The following HORMAD2 variants were observed in gnomAD, a reference collection of about 807,000 sequenced individuals.
The protein encoded by HORMAD2 is HORMA domain-containing protein 2.
Under a neutral mutation model 38.8 loss-of-function variants are expected in HORMAD2, and 45 were observed. That is an observed-to-expected ratio of 1.16 (90% CI 0.91 to 1.49). The LOEUF (loss-of-function observed/expected upper bound fraction) is 1.49, where lower values mean the gene tolerates loss of function less well. Ranked by LOEUF, HORMAD2 falls within the 40% of genes most tolerant of loss-of-function variation. The pLI, the probability that HORMAD2 is intolerant of heterozygous loss-of-function variation, is 0.00. For missense variants in HORMAD2, 338 were observed against 367.0 expected (o/e 0.92, Z 0.65); for synonymous variants, 126 against 122.8 (o/e 1.03, Z -0.17).
intron 10 of HORMAD2, among the ~76,000 whole-genome samples, chr22:30,150,796 T>C (rs1297340974): frequency 1.3e-5 from 2 of 152,220 alleles, no homozygotes; most frequent in Admixed American, 1.3e-4. Flanking sequence ...GCATTCAGTA[T>C]ACATGCTTTC....
chr22:30,162,359 GT>G (rs1925499721), intron 10 of HORMAD2, among the ~76,000 whole-genome samples: 1 of 150,990 alleles, frequency 6.6e-6, no homozygotes, highest in Non-Finnish European at 1.5e-5. Context: ...ACGATATGTT[GT>G]TTAATACAGC....
rs1381146579 is a variant in HORMAD2 at position 30,099,045 on chromosome 22, T to G, written c.193+52T>G. On this transcript the variant is annotated intron_variant, in intron 3 of 10. Transcript: ENST00000336726. ...GGCTGTTGTAGCCCCTTTCTCTATTTAGCAGGAATAAACCTTTCACGTCTC... is the reference window on the plus strand; with the variant it reads ...GGCTGTTGTAGCCCCTTTCTCTATTGAGCAGGAATAAACCTTTCACGTCTC... 4 of 1,507,666 alleles carry G rather than the reference T, an allele frequency of 2.7e-6. No individual in the cohort carries two copies. In the African/African-American group the frequency reaches 4.2e-5, roughly 16 times the overall value. The allele number at this position is 1,507,666 out of a possible 1,614,324, so 93.4% of individuals were successfully genotyped here.
chr22:30,164,274 T>C (rs1925638964), intron 10 of HORMAD2, among the ~76,000 whole-genome samples: 1 of 152,210 alleles, frequency 6.6e-6, no homozygotes. Context: ...GTACAAATAT[T>C]TGTTCAAGTT....
At chr22:30,195,063 C>T in the HORMAD2 span, among the ~76,000 whole-genome samples, 2 of 151,978 alleles carry the variant, frequency 1.3e-5, no homozygotes, top group East Asian at 3.9e-4. Flanking sequence ...CATGGTGGCA[C>T]GTGCCTGTAG....
At chr22:30,154,533 A>G (rs528481031) in intron 10 of HORMAD2, among the ~76,000 whole-genome samples, 3 of 152,294 alleles carry the variant, frequency 2.0e-5, no homozygotes, top group East Asian at 1.9e-4. Flanking sequence ...ATTCCTTTCA[A>G]GTTTTTCCAG....
intron 10 of HORMAD2, among the ~76,000 whole-genome samples, chr22:30,153,527 A>T (rs1287053185): frequency 2.0e-5 from 3 of 152,176 alleles, no homozygotes; most frequent in African/African-American, 7.2e-5. Flanking sequence ...TTCTTCCCCC[A>T]TATCTTAACA....
At chr22:30,173,608 G>A (rs2123743825) in intron 10 of HORMAD2, among the ~76,000 whole-genome samples, 1 of 152,296 alleles carries the variant, frequency 6.6e-6, no homozygotes, top group Non-Finnish European at 1.5e-5. Context: ...CTGCACTTGA[G>A]TTTTCTTTGG....
intron 1 of HORMAD2, among the ~76,000 whole-genome samples, chr22:30,093,624 A>G (rs1386821493): frequency 6.6e-6 from 1 of 152,146 alleles, no homozygotes; most frequent in Non-Finnish European, 1.5e-5. Context: ...TTAATTATAT[A>G]GTTCTCCTTT....
the HORMAD2 span, among the ~76,000 whole-genome samples, chr22:30,187,347 G>T: frequency 2.6e-5 from 4 of 152,178 alleles, no homozygotes; most frequent in Non-Finnish European, 5.9e-5. Flanking sequence ...AAGTGGTAAA[G>T]GTAGGATTTG....
the HORMAD2 span, among the ~76,000 whole-genome samples, chr22:30,198,918 T>G: frequency 6.6e-6 from 1 of 152,244 alleles, no homozygotes; most frequent in South Asian, 2.1e-4. Flanking sequence ...GGCTGGCCCC[T>G]TCCTCAGCAG....
At chr22:30,147,680 T>A (rs1013808320) in intron 10 of HORMAD2, among the ~76,000 whole-genome samples, 1 of 151,950 alleles carries the variant, frequency 6.6e-6, no homozygotes, top group Non-Finnish European at 1.5e-5. Flanking sequence ...AGCCAAAAAC[T>A]GGGAAAAAAT....
intron 10 of HORMAD2, among the ~76,000 whole-genome samples, chr22:30,132,264 C>G (rs191490773): frequency 2.0e-4 from 31 of 152,172 alleles, no homozygotes; most frequent in African/African-American, 6.5e-4. Context: ...ACATTATTTG[C>G]AGAAAATATC....
chr22:30,167,005 C>T (rs1384265034), intron 10 of HORMAD2, among the ~76,000 whole-genome samples: 3 of 152,162 alleles, frequency 2.0e-5, no homozygotes, highest in African/African-American at 4.8e-5. Flanking sequence ...TGTATTCTCT[C>T]ACAATTCTGG....
chr22:30,079,932 A>G (rs1201909322), upstream of HORMAD2, among the ~76,000 whole-genome samples: 2 of 152,186 alleles, frequency 1.3e-5, no homozygotes, highest in African/African-American at 4.8e-5. Flanking sequence ...CGCCCGCCTC[A>G]GCCTCCCAGA....
the HORMAD2 span, among the ~76,000 whole-genome samples, chr22:30,199,146 C>T: frequency 6.6e-6 from 1 of 152,200 alleles, no homozygotes; most frequent in Non-Finnish European, 1.5e-5. Context: ...AATGACTGGA[C>T]TGAGAAAAAG....
chr22:30,200,288 C>T, the HORMAD2 span, among the ~76,000 whole-genome samples: 1 of 151,936 alleles, frequency 6.6e-6, no homozygotes, highest in Non-Finnish European at 1.5e-5. Context: ...AATGAATCAG[C>T]AAGTTAATTT....
chr22:30,177,351 C>G (rs145836321), downstream of HORMAD2, among the ~76,000 whole-genome samples: 4 of 152,328 alleles, frequency 2.6e-5, no homozygotes, highest in East Asian at 7.7e-4. Context: ...CCCAGGGAGC[C>G]TGCCTGTTCA....
rs1011964087 is a variant in HORMAD2, at chr22:30,103,723, C to T, written c.257+223C>T. ...TGTCCCCCATGCTGGAGTGCAGTGG[C>T]GCAATCTCGGCTCACTGCAACCTCT... On this transcript the variant is annotated intron_variant, in intron 4 of 10. Transcript: ENST00000336726. Among the ~76,000 whole-genome samples the T allele has an allele frequency of 6.7e-5, 8 of 119,802 alleles. No homozygotes were observed. In the East Asian group the frequency reaches 1.1e-3, roughly 17 times the overall value. The allele number at this position is 119,802 out of a possible 152,430, so 78.6% of individuals were successfully genotyped here. A position where few individuals can be genotyped will look rare whatever the true frequency, so the allele number is the denominator to read the frequency against.
intron 10 of HORMAD2, 63 bp downstream of exon 10, chr22:30,122,277 T>G (rs1922514395): frequency 6.7e-7 from 1 of 1,490,138 alleles, no homozygotes; most frequent in African/African-American, 1.4e-5. Flanking sequence ...TTTTTCAGTT[T>G]CTACCCAGGG....
Sources: allele counts gnomAD v4.1 joint callset (sites outside exome capture counted in the v4.1 genomes callset), GRCh38; gene constraint gnomAD v4.1.1; transcripts MANE v1.5; gene names NCBI Gene and HGNC (gene_info 2026-07-23, HGNC 2026-07-21).